The following THSD7A variants were observed in gnomAD, a reference collection of about 807,000 sequenced individuals.
THSD7A encodes thrombospondin type 1 domain containing 7A.
A neutral mutation model predicts 231.3 loss-of-function variants in THSD7A; 96 were observed. The ratio of observed to expected loss-of-function variants is 0.41; its 90% CI spans 0.35 to 0.49. The LOEUF is 0.49. Ranked by LOEUF, THSD7A falls within the 20% of genes least tolerant of loss-of-function variation. THSD7A has a pLI of 0.05. For missense variants in THSD7A, 2,290 were observed against 2,070.2 expected, an observed-to-expected ratio of 1.11 and a Z score of -2.06; for synonymous variants, 940 against 743.3, an observed-to-expected ratio of 1.26 and a Z score of -4.30.
intron 1 of THSD7A, among the ~76,000 whole-genome samples, chr7:11,747,307 C>A (rs1280348202): frequency 6.6e-6 from 1 of 151,862 alleles, no homozygotes; most frequent in African/African-American, 2.4e-5. Context: ...TGGATGAGAA[C>A]AAAGAGGTGC....
intron 6 of THSD7A, among the ~76,000 whole-genome samples, chr7:11,508,796 T>C (rs753813634): frequency 2.0e-5 from 3 of 152,262 alleles, no homozygotes; most frequent in Non-Finnish European, 4.4e-5. Context: ...TGCAATAACA[T>C]GGATTAATCT....
intron 1 of THSD7A, among the ~76,000 whole-genome samples, chr7:11,674,333 G>A (rs1783546144): frequency 6.6e-6 from 1 of 152,160 alleles, no homozygotes; most frequent in Non-Finnish European, 1.5e-5. Context: ...TGCAGTGGAA[G>A]TGGCCACTTC....
rs143680045 is a variant in THSD7A, at chr7:11,402,161, G to A, written c.4238-193C>T. ...CTTTGTATATGTATTGTTATTTTCC[G>A]TATGGCTATTACTGGTCTATGTGTT... On this transcript the variant is annotated intron_variant, in intron 22 of 27. Coordinates refer to ENST00000423059, the MANE Select transcript of THSD7A (RefSeq NM_015204.3). Among the ~76,000 whole-genome samples, 990 of 152,158 alleles carry A rather than the reference G, an allele frequency of 6.5e-3. 9 individuals carry two copies. Among genetic ancestry groups the A allele is most frequent in the African/African-American group, 0.022 (904 of 41,496 alleles).
At chr7:11,815,679 A>G (rs1215042442) in intron 1 of THSD7A, among the ~76,000 whole-genome samples, 1 of 152,168 alleles carries the variant, frequency 6.6e-6, no homozygotes, top group African/African-American at 2.4e-5. Context: ...ACAATCATAT[A>G]AAACTCATAT....
chr7:11,630,893 G>C (rs1781624815), intron 2 of THSD7A, among the ~76,000 whole-genome samples: 1 of 152,202 alleles, frequency 6.6e-6, no homozygotes, highest in African/African-American at 2.4e-5. Context: ...GCATTCCAGA[G>C]GTGAGGATGC....
At position 11,636,911 on chromosome 7, in the gene THSD7A, T is replaced by G; in HGVS notation, c.241A>C (p.Thr81Pro). ...GDECGPGGIQ[T>P]RAVWCAHVEG... ...ACATGAGCACACCACACAGCCCTCGTTTGGATGCCTCCGGGACCACATTCA... is the reference window on the plus strand; with the variant it reads ...ACATGAGCACACCACACAGCCCTCGGTTGGATGCCTCCGGGACCACATTCA... Residue 81 changes from threonine (T) to proline (P), a missense_variant, in exon 2 of 28, where the codon ACG becomes CCG. Thr to Pro is a conservative substitution (Grantham distance 38). Transcript: ENST00000423059. The surrounding 1 kb of genome is among the most constrained non-coding windows in gnomAD (Gnocchi z 10.0). 1 of 1,613,414 alleles carries G rather than the reference T, an allele frequency of 6.2e-7. No individual in the cohort carries two copies. Among genetic ancestry groups the G allele is most frequent in the Non-Finnish European group, 8.5e-7 (1 of 1,179,880 alleles).
chr7:11,683,432 C>T (rs572882734), intron 1 of THSD7A, among the ~76,000 whole-genome samples: 3 of 151,304 alleles, frequency 2.0e-5, no homozygotes, highest in African/African-American at 2.4e-5. Flanking sequence ...ATCAGTGAAA[C>T]GAAAAGTTAT....
chr7:11,745,459 T>A (rs1214203613), intron 1 of THSD7A, among the ~76,000 whole-genome samples: 1 of 152,152 alleles, frequency 6.6e-6, no homozygotes, highest in Non-Finnish European at 1.5e-5. Context: ...TTATATCCCA[T>A]TTGTCAATTT....
In THSD7A at chr7:11,379,084, T is replaced by C. The variant is rs1782399348; in HGVS notation, c.4787A>G (p.Gln1596Arg). The change falls in exon 26 of 28, where the codon CAG (glutamine) becomes CGG (arginine). Residue 1596 changes from glutamine to arginine, a missense_variant. Gln to Arg is a conservative substitution (Grantham distance 43). Transcript: ENST00000423059. ...AGTCAGTTCACCTGGCCCAAATGGC[T>C]GTAGAAACCAGGTCCTTCCCCGTCC... The part of the protein sequence containing the change: ...PAGRGRTWFL[Q>R]PFGPDGRLKT... 6.2e-7 allele frequency: 1 copy of C among 1,613,316 alleles called. No homozygotes were observed.
chr7:11,778,265 T>A (rs919131414), intron 1 of THSD7A, among the ~76,000 whole-genome samples: 1 of 151,250 alleles, frequency 6.6e-6, no homozygotes, highest in African/African-American at 2.4e-5. Flanking sequence ...TTTCACTAAG[T>A]GGATTCCTAT....
chr7:11,429,397 G>A (rs1264459644), intron 13 of THSD7A, among the ~76,000 whole-genome samples: 2 of 152,132 alleles, frequency 1.3e-5, no homozygotes, highest in Non-Finnish European at 1.5e-5. Context: ...CTGACAGCTC[G>A]TGTTTAATTG....
intron 6 of THSD7A, among the ~76,000 whole-genome samples, chr7:11,505,822 C>G (rs1417410668): frequency 1.3e-5 from 2 of 152,114 alleles, no homozygotes; most frequent in African/African-American, 4.8e-5. Flanking sequence ...ATTACTAGGA[C>G]AAGCACTGTG....
Position 11,439,632 on chromosome 7 carries a change from G to A in THSD7A, c.3064+6429C>T, listed in dbSNP as rs111931174. Among the ~76,000 whole-genome samples the A allele has an allele frequency of 8.6e-3, 1,311 of 152,012 alleles. 21 individuals carry two copies. The highest frequency in any genetic ancestry group is 0.03 in the African/African-American group (1,253 of 41,514). On this transcript the variant is annotated intron_variant, in intron 13 of 27. Transcript: ENST00000423059. Reference sequence around the variant, plus strand: ...TTGCTGATGTGCACAAAGTTTTAGCGGTCTAGAAAGAATACCAAACCAGTC... The same window carrying A: ...TTGCTGATGTGCACAAAGTTTTAGCAGTCTAGAAAGAATACCAAACCAGTC...
chr7:11,704,863 T>C (rs1480683400), intron 1 of THSD7A, among the ~76,000 whole-genome samples: 2 of 151,088 alleles, frequency 1.3e-5, no homozygotes, highest in Non-Finnish European at 3.0e-5. Flanking sequence ...AATCGTATGA[T>C]GTGGCACCAT....
chr7:11,562,304 T>C (rs944058351), intron 4 of THSD7A, among the ~76,000 whole-genome samples: 2 of 152,192 alleles, frequency 1.3e-5, no homozygotes, highest in Admixed American at 6.5e-5. Context: ...CTATTTTGAA[T>C]CAGAGATCTC....
chr7:11,831,658 A>G lies in THSD7A; in HGVS notation c.190+99T>C. ...TTTACCTTAGGATACCAGCATAACC[A>G]AGCCATCCAAAAGCACCGGGGTCCC... On this transcript the variant is annotated intron_variant, in intron 1 of 27. Transcript: ENST00000423059. The surrounding 1 kb of genome is among the most constrained non-coding windows in gnomAD (Gnocchi z 5.0). 2 of 851,308 alleles carry G rather than the reference A, an allele frequency of 2.3e-6. No homozygotes were observed. The highest frequency in any genetic ancestry group is 3.1e-6 in the Non-Finnish European group (2 of 635,390). The allele number at this position is 851,308 out of a possible 1,614,324, so 52.7% of individuals were successfully genotyped here.
chr7:11,473,416 G>C (rs1483529219), intron 8 of THSD7A, among the ~76,000 whole-genome samples: 1 of 152,094 alleles, frequency 6.6e-6, no homozygotes, highest in African/African-American at 2.4e-5. Context: ...TAGGTAGCAC[G>C]CTGAAGATTA....
At chr7:11,422,032 T>C (rs1011499244) in intron 16 of THSD7A, among the ~76,000 whole-genome samples, 3 of 152,176 alleles carry the variant, frequency 2.0e-5, no homozygotes, top group African/African-American at 7.2e-5. Flanking sequence ...GAATTATACT[T>C]TGAGAAAACT....
chr7:11,588,215 A>G (rs1002488898), intron 4 of THSD7A, among the ~76,000 whole-genome samples: 1 of 152,192 alleles, frequency 6.6e-6, no homozygotes, highest in African/African-American at 2.4e-5. Flanking sequence ...CCATTCACAC[A>G]TATTTATAGA....
Sources: gnomAD v4.1 joint callset for allele counts (sites outside exome capture counted in the v4.1 genomes callset) on GRCh38, gnomAD v4.1.1 for gene constraint, Gnocchi (gnomAD v3.1) non-coding constraint, MANE v1.5 for transcripts, NCBI Gene and HGNC (gene_info 2026-07-23, HGNC 2026-07-21) for gene names.